EYS: variants seen among roughly 807,000 people sequenced by gnomAD.
EYS encodes protein eyes shut homolog.
Under a neutral mutation model 282.1 loss-of-function variants are expected in EYS, and 250 were observed. That is an observed-to-expected ratio of 0.89 (90% CI 0.80 to 0.98). The LOEUF is 0.98. EYS is among the 50% of genes least tolerant of loss of function. The pLI, the probability that EYS is intolerant of heterozygous loss-of-function variation, is 0.00. For synonymous variants in EYS, 1,355 were observed against 1,282.9 expected, an observed-to-expected ratio of 1.06 and a Z score of -1.20; for missense variants, 4,016 against 3,709.0, an observed-to-expected ratio of 1.08 and a Z score of -2.15.
At chr6:65,056,899 G>A (rs1324590512) in intron 13 of EYS, among the ~76,000 whole-genome samples, 1 of 151,926 alleles carries the variant, frequency 6.6e-6, no homozygotes, top group Non-Finnish European at 1.5e-5. Context: ...ATAACTTAAT[G>A]TGTTTAAATG....
chr6:65,374,282 G>A (rs573452575), intron 8 of EYS, among the ~76,000 whole-genome samples: 1 of 152,222 alleles, frequency 6.6e-6, no homozygotes, highest in African/African-American at 2.4e-5. Flanking sequence ...GGAAGTGTGA[G>A]TTTACATAAG....
chr6:65,217,418 T>C (rs1265088435), intron 12 of EYS, among the ~76,000 whole-genome samples: 1 of 152,062 alleles, frequency 6.6e-6, no homozygotes, highest in African/African-American at 2.4e-5. Flanking sequence ...TCACTTATAA[T>C]AAGGTATTAA....
intron 2 of EYS, among the ~76,000 whole-genome samples, chr6:65,607,662 T>G (rs998150681): frequency 4.4e-5 from 3 of 67,454 alleles, no homozygotes; most frequent in Non-Finnish European, 1.7e-4. Flanking sequence ...AGATAATTAA[T>G]GTTTTAATAT....
At chr6:65,280,750 G>T (rs1432157635) in intron 12 of EYS, among the ~76,000 whole-genome samples, 1 of 151,534 alleles carries the variant, frequency 6.6e-6, no homozygotes, top group African/African-American at 2.4e-5. Context: ...GGGCGCAGTG[G>T]CTCACGCCTG....
chr6:65,228,525 T>G (rs1164875204), intron 12 of EYS, among the ~76,000 whole-genome samples: 1 of 152,010 alleles, frequency 6.6e-6, no homozygotes, highest in Non-Finnish European at 1.5e-5. Context: ...CACTATTGGC[T>G]TTTCTCTAAC....
At chr6:65,363,451 T>A (rs1323464364) in intron 8 of EYS, among the ~76,000 whole-genome samples, 2 of 151,954 alleles carry the variant, frequency 1.3e-5, no homozygotes, top group Admixed American at 6.6e-5. Flanking sequence ...TTATATTTAA[T>A]CATTTCAGAA....
At chr6:64,786,373 G>C (rs1039309524) in intron 22 of EYS, among the ~76,000 whole-genome samples, 1 of 152,094 alleles carries the variant, frequency 6.6e-6, no homozygotes, top group Non-Finnish European at 1.5e-5. Flanking sequence ...GGAAGAGGCA[G>C]TGTCTGATTT....
chr6:64,852,013 T>C (rs2150042351), intron 19 of EYS, among the ~76,000 whole-genome samples: 1 of 152,254 alleles, frequency 6.6e-6, no homozygotes, highest in African/African-American at 2.4e-5. Context: ...TGGGATAAAG[T>C]ACATTTATAT....
At chr6:64,407,233 G>C (rs1773745478) in intron 28 of EYS, among the ~76,000 whole-genome samples, 1 of 151,830 alleles carries the variant, frequency 6.6e-6, no homozygotes, top group Non-Finnish European at 1.5e-5. Context: ...TCACTCATAA[G>C]TGGGAGTTTA....
intron 31 of EYS, among the ~76,000 whole-genome samples, chr6:64,129,812 G>A (rs958042142): frequency 3.3e-5 from 5 of 152,114 alleles, no homozygotes; most frequent in Non-Finnish European, 5.9e-5. Context: ...TTTGTATAAG[G>A]TGTAAGGAAG....
At chr6:63,932,236 A>G (rs1764916515) in intron 35 of EYS, among the ~76,000 whole-genome samples, 2 of 152,282 alleles carry the variant, frequency 1.3e-5, no homozygotes, top group South Asian at 4.1e-4. Context: ...TCATTTATTG[A>G]TGAACTTTTA....
chr6:63,926,627 A>G (rs2149747486), intron 35 of EYS, among the ~76,000 whole-genome samples: 1 of 152,358 alleles, frequency 6.6e-6, no homozygotes, highest in South Asian at 2.1e-4. Flanking sequence ...CTTGGGCCAC[A>G]TTTTGACAGT....
intron 29 of EYS, among the ~76,000 whole-genome samples, chr6:64,316,323 G>A (rs576664579): frequency 8.5e-5 from 13 of 152,204 alleles, no homozygotes; most frequent in South Asian, 2.1e-4. Flanking sequence ...AAACCCCATC[G>A]TCTCAGCCCA....
intron 22 of EYS, among the ~76,000 whole-genome samples, chr6:64,758,327 G>A (rs1357157288): frequency 6.6e-6 from 1 of 152,098 alleles, no homozygotes; most frequent in Non-Finnish European, 1.5e-5. Flanking sequence ...ACAATGTAGG[G>A]GCAAATGACA....
At chr6:65,408,231 G>A (rs956887970) in intron 5 of EYS, among the ~76,000 whole-genome samples, 6 of 152,060 alleles carry the variant, frequency 3.9e-5, no homozygotes, top group Non-Finnish European at 8.8e-5. Context: ...TTATTCATAA[G>A]TGATATTGGT....
intron 8 of EYS, among the ~76,000 whole-genome samples, chr6:65,365,369 G>T (rs1490192631): frequency 6.6e-6 from 1 of 151,616 alleles, no homozygotes; most frequent in East Asian, 1.9e-4. Flanking sequence ...TGATTATGAA[G>T]AACTGAGCAA....
At chr6:64,670,907 C>T (rs1207149826) in intron 22 of EYS, among the ~76,000 whole-genome samples, 1 of 151,960 alleles carries the variant, frequency 6.6e-6, no homozygotes, top group Non-Finnish European at 1.5e-5. Context: ...CTCCCCCACC[C>T]TCCAATTCTA....
chr6:65,115,228 A>G (rs1775331637), intron 12 of EYS, among the ~76,000 whole-genome samples: 1 of 152,108 alleles, frequency 6.6e-6, no homozygotes, highest in Admixed American at 6.5e-5. Flanking sequence ...ATGAATTTCT[A>G]TCAAATATAA....
At chr6:65,027,801 G>A (rs770076068) in intron 13 of EYS, among the ~76,000 whole-genome samples, 2 of 152,116 alleles carry the variant, frequency 1.3e-5, no homozygotes, top group Non-Finnish European at 2.9e-5. Context: ...TTCATCTGTT[G>A]TAAGGCATGT....
Sources: gnomAD v4.1 joint callset for allele counts (sites outside exome capture counted in the v4.1 genomes callset) on GRCh38, gnomAD v4.1.1 for gene constraint, MANE v1.5 for transcripts, NCBI Gene and HGNC (gene_info 2026-07-23, HGNC 2026-07-21) for gene names.